Variants in NEO1 observed in about 807,000 individuals in gnomAD.
The protein encoded by NEO1 is neogenin.
Under a neutral mutation model 159.7 loss-of-function variants are expected in NEO1, and 63 were observed. The observed-to-expected ratio is 0.39, with a 90% CI of 0.32 to 0.49. NEO1 has a LOEUF of 0.49. Ranked by LOEUF, NEO1 falls within the 20% of genes least tolerant of loss-of-function variation. NEO1 has a pLI of 0.85. For synonymous variants in NEO1, 633 were observed against 662.0 expected (o/e 0.96, Z 0.67); for missense variants, 1,615 against 1,831.0 (o/e 0.88, Z 2.15).
intron 5 of NEO1, among the ~76,000 whole-genome samples, chr15:73,150,627 GT>G (rs1405187707): frequency 2.6e-5 from 4 of 152,004 alleles, no homozygotes; most frequent in Non-Finnish European, 5.9e-5. Flanking sequence ...TTTGTTTGCA[GT>G]TTTTTTCTCT....
chr15:73,083,990 T>G, intron 1 of NEO1, among the ~76,000 whole-genome samples: 1 of 152,236 alleles, frequency 6.6e-6, no homozygotes, highest in Middle Eastern at 3.4e-3. Context: ...TTTATTTTCA[T>G]TGACAAATAA....
At chr15:73,130,255 T>C (rs1473054928) in intron 4 of NEO1, among the ~76,000 whole-genome samples, 1 of 152,096 alleles carries the variant, frequency 6.6e-6, no homozygotes, top group African/African-American at 2.4e-5. Flanking sequence ...ATTACAGATG[T>C]GCGTTACTGT....
At chr15:73,176,709 G>C (rs1424490862) in intron 6 of NEO1, 152 bp downstream of exon 6, 4 of 560,098 alleles carry the variant, frequency 7.1e-6, no homozygotes, top group Non-Finnish European at 1.1e-5. Flanking sequence ...TTCATTGGCT[G>C]ATGAGAAAGC....
chr15:73,260,146 T>C (rs758911025), intron 14 of NEO1, 125 bp from the exon 15 acceptor site: 2 of 711,602 alleles, frequency 2.8e-6, no homozygotes, highest in Non-Finnish European at 4.5e-6. Context: ...TTTGAACTCT[T>C]GGGCATAATG....
At chr15:73,151,890 A>G (rs1239916903) in intron 5 of NEO1, among the ~76,000 whole-genome samples, 3 of 152,224 alleles carry the variant, frequency 2.0e-5, no homozygotes, top group African/African-American at 4.8e-5. Context: ...CAAAAGAACA[A>G]TCTCATGTGC....
At chr15:73,175,917 T>C (rs905784724) in intron 5 of NEO1, among the ~76,000 whole-genome samples, 1 of 152,206 alleles carries the variant, frequency 6.6e-6, no homozygotes, top group Non-Finnish European at 1.5e-5. Flanking sequence ...ATCTTAGTAA[T>C]AGGAGTGTGT....
At chr15:73,290,509 A>G (rs1348301378) in intron 25 of NEO1, among the ~76,000 whole-genome samples, 1 of 94,448 alleles carries the variant, frequency 1.1e-5, no homozygotes, top group Non-Finnish European at 2.0e-5. Context: ...CTGGGATTAC[A>G]GGCCTGAGCC....
intron 16 of NEO1, among the ~76,000 whole-genome samples, chr15:73,268,740 C>A (rs930895550): frequency 6.6e-6 from 1 of 152,158 alleles, no homozygotes; most frequent in Non-Finnish European, 1.5e-5. Flanking sequence ...ATTGGGAAAG[C>A]CCGTATGGAT....
chr15:73,160,784 C>T (rs561556883), intron 5 of NEO1, among the ~76,000 whole-genome samples: 2 of 152,308 alleles, frequency 1.3e-5, no homozygotes, highest in South Asian at 4.1e-4. Flanking sequence ...GTTCAGCTAC[C>T]TAGACGCTCT....
intron 24 of NEO1, 175 bp from the exon 25 acceptor site, chr15:73,288,971 A>G (rs774119263): frequency 1.7e-4 from 99 of 598,540 alleles, no homozygotes; most frequent in Non-Finnish European, 2.7e-4. Flanking sequence ...TTCAGCAGGA[A>G]CTCTTGTAAT....
At chr15:73,162,201 G>T in intron 5 of NEO1, 1 of 216,866 alleles carries the variant, frequency 4.6e-6, no homozygotes, top group Non-Finnish European at 9.5e-6. Context: ...TCCTCTTCTT[G>T]ATCTTCTAAG....
chr15:73,238,840 A>ATTTTG (rs150140722), intron 8 of NEO1, among the ~76,000 whole-genome samples: 13,565 of 150,880 alleles, frequency 0.09, 778 homozygotes, highest in African/African-American at 0.16. Flanking sequence ...GTTTGTTTTT[A>ATTTTG]TTTTGTTTTG....
In NEO1 at chr15:73,282,956, C is replaced by T. The variant is rs771915384; in HGVS notation, c.3263-8C>T. The T allele has an allele frequency of 6.2e-7, 1 of 1,612,996 alleles. No homozygotes were observed. On this transcript the variant is annotated splice_region_variant and splice_polypyrimidine_tract_variant and intron_variant, in intron 22 of 28. Coordinates refer to ENST00000261908, the MANE Select transcript of NEO1 (RefSeq NM_002499.4). ...ACCCTAACACATGTACCATTTCTCT[C>T]TCTGCAGGCAGTAACAGCCCTCATG...
At chr15:73,295,470 G>A (rs2042327296) in intron 26 of NEO1, among the ~76,000 whole-genome samples, 1 of 151,490 alleles carries the variant, frequency 6.6e-6, no homozygotes, top group South Asian at 2.1e-4. Context: ...TTTGGGGATT[G>A]GAGAGAAGCA....
At chr15:73,242,480 C>T (rs1037225219) in intron 8 of NEO1, among the ~76,000 whole-genome samples, 1 of 152,048 alleles carries the variant, frequency 6.6e-6, no homozygotes, top group African/African-American at 2.4e-5. Flanking sequence ...CCAGCCTGGC[C>T]AACATGGCAA....
At chr15:73,155,746 T>C (rs1447537652) in intron 5 of NEO1, among the ~76,000 whole-genome samples, 1 of 152,230 alleles carries the variant, frequency 6.6e-6, no homozygotes, top group African/African-American at 2.4e-5. Flanking sequence ...GCTTGTCTAT[T>C]GTTGAAGCTT....
In NEO1 at chr15:73,302,593, C is replaced by CA; in HGVS notation, c.4303-19dup. 6.2e-7 allele frequency: 1 copy of CA among 1,610,134 alleles called. No individual in the cohort carries two copies. The highest frequency in any genetic ancestry group is 1.3e-5 in the African/African-American group (1 of 74,934). On this transcript the variant is annotated intron_variant, in intron 28 of 28. Transcript: ENST00000261908. ...CTGCTCCCTGGATCCAGCCCAGTAA[C>CA]AGTGTTTTCTTTTCCATAGAGCTAT...
At chr15:73,221,653 C>G (rs2150758786) in intron 7 of NEO1, 1 of 155,794 alleles carries the variant, frequency 6.4e-6, no homozygotes, top group East Asian at 1.9e-4. Context: ...CTCCCCAAGC[C>G]TTGCTGCTGC....
At position 73,061,995 on chromosome 15, in the gene NEO1, T is replaced by C. The variant is rs993194933; in HGVS notation, c.130+9190T>C. On this transcript the variant is annotated intron_variant, in intron 1 of 28. Coordinates refer to ENST00000261908, the MANE Select transcript of NEO1 (RefSeq NM_002499.4). Reference sequence around the variant, plus strand: ...AAATGATGCAGTGAACCCACGTTTATAAATGTCCCCATTTGTGCACATGTG... The same window carrying C: ...AAATGATGCAGTGAACCCACGTTTACAAATGTCCCCATTTGTGCACATGTG... Among the ~76,000 whole-genome samples, 3 of 152,382 alleles carry C rather than the reference T, an allele frequency of 2.0e-5. No individual in the cohort carries two copies. The South Asian group carries it at 6.2e-4, about 32-fold the overall frequency.
Sources: gnomAD v4.1 joint callset for allele counts (sites outside exome capture counted in the v4.1 genomes callset) on GRCh38, gnomAD v4.1.1 for gene constraint, MANE v1.5 for transcripts, NCBI Gene and HGNC (gene_info 2026-07-23, HGNC 2026-07-21) for gene names.